BLTP1: variants seen among roughly 807,000 people sequenced by gnomAD.
BLTP1 encodes the protein fragile site-associated protein.
chr4:122,160,221 AG>A, the BLTP1 span, among the ~76,000 whole-genome samples: 1 of 152,188 alleles, frequency 6.6e-6, no homozygotes, highest in Non-Finnish European at 1.5e-5. Flanking sequence ...GAATGAGAAA[AG>A]CACTCTAATG....
chr4:122,176,379 T>C, the BLTP1 span, among the ~76,000 whole-genome samples: 76 of 152,310 alleles, frequency 5.0e-4, no homozygotes, highest in Middle Eastern at 6.8e-3. Flanking sequence ...TAGCATTAGC[T>C]GTGATTTAAA....
the BLTP1 span, among the ~76,000 whole-genome samples, chr4:122,313,132 A>G: frequency 6.6e-6 from 1 of 151,962 alleles, no homozygotes; most frequent in Non-Finnish European, 1.5e-5. Flanking sequence ...GCCTTCAGCC[A>G]TTTTTTTTCT....
the BLTP1 span, chr4:122,260,071 A>G: frequency 7.8e-6 from 2 of 255,824 alleles, no homozygotes; most frequent in African/African-American, 4.6e-5. Flanking sequence ...CATAGCCTGT[A>G]CTTACACAAA....
chr4:122,257,569 T>A, the BLTP1 span: 1 of 1,351,120 alleles, frequency 7.4e-7, no homozygotes, highest in Non-Finnish European at 1.0e-6. Context: ...TCAACACAAT[T>A]ACTGTATGTT....
chr4:122,293,442 A>C, the BLTP1 span, among the ~76,000 whole-genome samples: 1 of 152,122 alleles, frequency 6.6e-6, no homozygotes, highest in Non-Finnish European at 1.5e-5. Context: ...CCCCACCCCC[A>C]GGCAAGGGAG....
the BLTP1 span, chr4:122,209,716 T>G: frequency 7.0e-7 from 1 of 1,421,136 alleles, no homozygotes; most frequent in South Asian, 1.4e-5. Context: ...GAAATTCTTC[T>G]TTCAAAAAAT....
the BLTP1 span, chr4:122,315,695 A>G: frequency 1.2e-6 from 2 of 1,613,212 alleles, no homozygotes; most frequent in East Asian, 2.2e-5. Context: ...TACTGTAAGT[A>G]AACTCACTGT....
chr4:122,236,882 T>G, the BLTP1 span: 11 of 963,790 alleles, frequency 1.1e-5, no homozygotes, highest in Non-Finnish European at 1.3e-5. Context: ...AAATAACCCC[T>G]ACATACGTAC....
At chr4:122,281,811 A>G in the BLTP1 span, 2 of 1,450,840 alleles carry the variant, frequency 1.4e-6, no homozygotes, top group South Asian at 1.6e-5. Flanking sequence ...CTTAAAATTT[A>G]TGATTTGTTT....
the BLTP1 span, chr4:122,337,057 G>T: frequency 1.3e-6 from 2 of 1,524,332 alleles, no homozygotes; most frequent in South Asian, 1.2e-5. Flanking sequence ...GTTTTAAAGA[G>T]AAATGTTTTT....
chr4:122,293,362 CCACCACGGA>C, the BLTP1 span: 1 of 189,604 alleles, frequency 5.3e-6, no homozygotes. Flanking sequence ...GCAGACAGCT[CCACCACGGA>C]GGGCAAGGAA....
chr4:122,193,058 T>A, the BLTP1 span, among the ~76,000 whole-genome samples: 1 of 152,160 alleles, frequency 6.6e-6, no homozygotes, highest in African/African-American at 2.4e-5. Context: ...AGTATCTTCA[T>A]GTGGTCTTTC....
chr4:122,218,983 G>A, the BLTP1 span: 2 of 175,946 alleles, frequency 1.1e-5, no homozygotes, highest in African/African-American at 4.8e-5. Flanking sequence ...GGATGTCCTC[G>A]GTATTGCCTG....
At chr4:122,255,632 GCAAAAC>G in the BLTP1 span, among the ~76,000 whole-genome samples, 1 of 152,082 alleles carries the variant, frequency 6.6e-6, no homozygotes, top group Non-Finnish European at 1.5e-5. Flanking sequence ...GGCAACAAGA[GCAAAAC>G]TCTGTCTCAA....
chr4:122,273,402 G>A, the BLTP1 span: 1 of 984,352 alleles, frequency 1.0e-6, no homozygotes, highest in East Asian at 1.1e-4. Flanking sequence ...AAATTGCTAA[G>A]AAAAATACAA....
the BLTP1 span, chr4:122,187,478 C>T: frequency 6.2e-7 from 1 of 1,612,100 alleles, no homozygotes; most frequent in Non-Finnish European, 8.5e-7. Context: ...TCATGGAGAT[C>T]ACTTATTCCA....
At chr4:122,315,389 T>C in the BLTP1 span, 3 of 1,583,108 alleles carry the variant, frequency 1.9e-6, no homozygotes, top group South Asian at 2.3e-5. Context: ...TATGTGGCCA[T>C]TATTACTTTG....
the BLTP1 span, among the ~76,000 whole-genome samples, chr4:122,268,281 CAA>C: frequency 2.0e-5 from 3 of 151,750 alleles, no homozygotes; most frequent in African/African-American, 7.3e-5. Flanking sequence ...AAAAACTTAT[CAA>C]AGAGTAGTTT....
the BLTP1 span, chr4:122,276,517 A>C: frequency 2.0e-5 from 20 of 984,226 alleles, no homozygotes; most frequent in Non-Finnish European, 2.4e-5. Flanking sequence ...ATATGTGTTT[A>C]GTTTCATTCA....
Sources: allele counts gnomAD v4.1 joint callset (sites outside exome capture counted in the v4.1 genomes callset), GRCh38; gene constraint gnomAD v4.1.1; transcripts MANE v1.5; gene names NCBI Gene and HGNC (gene_info 2026-07-23, HGNC 2026-07-21).